The following EXOC6B variants were observed in gnomAD, a reference collection of about 807,000 sequenced individuals.
EXOC6B encodes SEC15 homolog B.
Under a neutral mutation model 113.5 loss-of-function variants are expected in EXOC6B, and 54 were observed. The ratio of observed to expected loss-of-function variants is 0.48; its 90% CI spans 0.38 to 0.60. EXOC6B has a LOEUF of 0.60. Among genes scored for constraint, EXOC6B ranks in the 20% least tolerant of loss-of-function variants. The probability of loss-of-function intolerance (pLI) is 0.00; values close to 1 mark genes in which losing one functional copy is unlikely to be tolerated. For missense variants in EXOC6B, 797 were observed against 977.5 expected, an observed-to-expected ratio of 0.82 and a Z score of 2.46; for synonymous variants, 357 against 339.0, an observed-to-expected ratio of 1.05 and a Z score of -0.58.
rs188033509 is a variant in EXOC6B, at chr2:72,761,409, G to A, written c.114-19940C>T. Among the ~76,000 whole-genome samples, 308 of 152,212 alleles carry A rather than the reference G, an allele frequency of 2.0e-3. 1 individual carries two copies. Among genetic ancestry groups the A allele is most frequent in the African/African-American group, 7.0e-3 (289 of 41,528 alleles). ...CTTGCCAATAAATTACTTCTCCAAA[G>A]CATTGCATTTAGGGCACTCTCCAAA... is the stretch of plus-strand genomic sequence containing the variant. On this transcript the variant is annotated intron_variant, in intron 1 of 21. Coordinates refer to ENST00000272427, the MANE Select transcript of EXOC6B (RefSeq NM_015189.3).
At chr2:72,760,946 G>C (rs1682706199) in intron 1 of EXOC6B, among the ~76,000 whole-genome samples, 1 of 152,202 alleles carries the variant, frequency 6.6e-6, no homozygotes, top group Admixed American at 6.5e-5. Flanking sequence ...TTCGGAGGCT[G>C]AGACAGGTGA....
chr2:72,329,021 A>G (rs1688286677), intron 20 of EXOC6B, among the ~76,000 whole-genome samples: 2 of 152,098 alleles, frequency 1.3e-5, no homozygotes, highest in Admixed American at 6.6e-5. Flanking sequence ...GGTCAACAGA[A>G]TATTTCAACT....
chr2:72,375,933 T>G (rs745479447), intron 19 of EXOC6B, among the ~76,000 whole-genome samples: 1 of 152,196 alleles, frequency 6.6e-6, no homozygotes, highest in African/African-American at 2.4e-5. Context: ...GTAGCTGGAC[T>G]TTTTACACAA....
intron 6 of EXOC6B, among the ~76,000 whole-genome samples, chr2:72,704,590 C>T (rs1171352346): frequency 7.3e-5 from 11 of 151,338 alleles, no homozygotes; most frequent in East Asian, 3.9e-4. Flanking sequence ...GCAAGACTAA[C>T]AAAGAAAAAA....
chr2:72,634,326 G>A (rs948613240), intron 6 of EXOC6B, among the ~76,000 whole-genome samples: 2 of 152,166 alleles, frequency 1.3e-5, no homozygotes, highest in African/African-American at 4.8e-5. Context: ...CAAGAAGACA[G>A]AATAGATGCA....
At chr2:72,290,764 A>G (rs540639806) in intron 20 of EXOC6B, among the ~76,000 whole-genome samples, 1 of 152,110 alleles carries the variant, frequency 6.6e-6, no homozygotes, top group East Asian at 1.9e-4. Flanking sequence ...ATTGATTTGG[A>G]TCTGTATTTG....
intron 6 of EXOC6B, among the ~76,000 whole-genome samples, chr2:72,700,605 G>A (rs992221305): frequency 4.6e-5 from 7 of 152,186 alleles, no homozygotes; most frequent in African/African-American, 1.7e-4. Flanking sequence ...TCTGGAAATG[G>A]ACAGTGTTGA....
intron 6 of EXOC6B, among the ~76,000 whole-genome samples, chr2:72,682,031 C>A (rs2104547858): frequency 1.3e-5 from 2 of 149,642 alleles, no homozygotes; most frequent in Middle Eastern, 3.5e-3. Flanking sequence ...AATACAATCT[C>A]TCTCTCTCTC....
chr2:72,726,964 T>A (rs1680335965), intron 5 of EXOC6B, among the ~76,000 whole-genome samples: 1 of 152,152 alleles, frequency 6.6e-6, no homozygotes, highest in African/African-American at 2.4e-5. Flanking sequence ...CTAAGTAATC[T>A]AGAGATGACT....
At chr2:72,764,734 G>A (rs1351243586) in intron 1 of EXOC6B, among the ~76,000 whole-genome samples, 5 of 152,148 alleles carry the variant, frequency 3.3e-5, no homozygotes, top group Admixed American at 2.0e-4. Context: ...CACTGATAGA[G>A]TTGATAAACA....
At chr2:72,673,032 C>T (rs1160354094) in intron 6 of EXOC6B, among the ~76,000 whole-genome samples, 1 of 152,078 alleles carries the variant, frequency 6.6e-6, no homozygotes, top group Non-Finnish European at 1.5e-5. Context: ...CAAATTATCA[C>T]ATATACCCTG....
intron 6 of EXOC6B, among the ~76,000 whole-genome samples, chr2:72,704,505 C>CA (rs1158905998): frequency 1.3e-4 from 20 of 149,032 alleles, no homozygotes; most frequent in South Asian, 2.2e-4. Flanking sequence ...AATAGAGACA[C>CA]AAAAAACCCT....
chr2:72,733,157 C>G (rs1409309648), intron 2 of EXOC6B, 39 bp from the exon 3 acceptor site: 2 of 1,404,220 alleles, frequency 1.4e-6, no homozygotes. Flanking sequence ...AAAAAACAAA[C>G]ATTTAGACAA....
chr2:72,750,224 A>G (rs1318494747), intron 1 of EXOC6B, among the ~76,000 whole-genome samples: 2 of 152,022 alleles, frequency 1.3e-5, no homozygotes, highest in Non-Finnish European at 2.9e-5. Context: ...TTAACTCTAT[A>G]AGCAATTAAG....
chr2:72,214,128 C>A (rs1230689833), intron 20 of EXOC6B, among the ~76,000 whole-genome samples: 1 of 152,114 alleles, frequency 6.6e-6, no homozygotes, highest in East Asian at 1.9e-4. Context: ...ATATTGTCAT[C>A]TGATATTATT....
intron 1 of EXOC6B, among the ~76,000 whole-genome samples, chr2:72,767,827 A>AAAAAAAAAAAAAAAAAC (rs1683171576): frequency 7.1e-6 from 1 of 141,010 alleles, no homozygotes; most frequent in East Asian, 2.2e-4. Flanking sequence ...AAAAAAAAAA[A>AAAAAAAAAAAAAAAAAC]AAAAAAGACC....
At chr2:72,421,821 T>G (rs1342034503) in intron 18 of EXOC6B, among the ~76,000 whole-genome samples, 1 of 151,996 alleles carries the variant, frequency 6.6e-6, no homozygotes, top group African/African-American at 2.4e-5. Context: ...TGCAGCGAGG[T>G]GTGGAGGGAG....
In EXOC6B at chr2:72,552,197, GA is replaced by G. The variant is rs886861844; in HGVS notation, c.915+7255del. Among the ~76,000 whole-genome samples the G allele has an allele frequency of 9.9e-5, 15 of 152,100 alleles. 1 individual carries two copies. Among genetic ancestry groups the G allele is most frequent in the Admixed American group, 5.9e-4 (9 of 15,288 alleles). ...TTCACAGACCTTATGTTATTTGAGG[GA>G]AAAAAATTCATTAAATTTTTAATTA... On this transcript the variant is annotated intron_variant, in intron 8 of 21. Coordinates refer to ENST00000272427, the MANE Select transcript of EXOC6B (RefSeq NM_015189.3).
chr2:72,274,946 A>C (rs1684723113), intron 20 of EXOC6B, among the ~76,000 whole-genome samples: 1 of 152,170 alleles, frequency 6.6e-6, no homozygotes, highest in South Asian at 2.1e-4. Flanking sequence ...GGAATAGATA[A>C]GAAGACAGAG....
Sources: gnomAD v4.1 joint callset for allele counts (sites outside exome capture counted in the v4.1 genomes callset) on GRCh38, gnomAD v4.1.1 for gene constraint, MANE v1.5 for transcripts, NCBI Gene and HGNC (gene_info 2026-07-23, HGNC 2026-07-21) for gene names.